The following SDK1 variants were observed in gnomAD, a reference collection of about 807,000 sequenced individuals.
The protein encoded by SDK1 is sidekick cell adhesion molecule 1, also known as protein sidekick-1.
SDK1 carries 157 observed loss-of-function variants against 245.5 expected under a neutral mutation model. The ratio of observed to expected loss-of-function variants is 0.64; its 90% CI spans 0.56 to 0.73. The LOEUF is 0.73. Ranked by LOEUF, SDK1 falls within the 30% of genes least tolerant of loss-of-function variation. The pLI, the probability that SDK1 is intolerant of heterozygous loss-of-function variation, is 0.00. For missense variants in SDK1, 3,583 were observed against 3,002.3 expected (o/e 1.19, Z -4.52); for synonymous variants, 1,647 against 1,278.5 (o/e 1.29, Z -6.15).
chr7:3,838,237 G>T (rs1199989333), intron 5 of SDK1, among the ~76,000 whole-genome samples: 1 of 152,170 alleles, frequency 6.6e-6, no homozygotes, highest in Non-Finnish European at 1.5e-5. Flanking sequence ...AGTTATGCCC[G>T]GTGCCAGGCA....
At chr7:4,072,146 T>TA (rs1387912659) in intron 20 of SDK1, among the ~76,000 whole-genome samples, 3 of 152,224 alleles carry the variant, frequency 2.0e-5, no homozygotes, top group African/African-American at 7.2e-5. Context: ...TACCTGTAGT[T>TA]AAAAGCAGCA....
intron 1 of SDK1, among the ~76,000 whole-genome samples, chr7:3,588,587 A>G (rs1780762863): frequency 6.6e-6 from 1 of 152,148 alleles, no homozygotes; most frequent in Admixed American, 6.5e-5. Context: ...TGAGGTGATG[A>G]AAGTCTCTTC....
At chr7:3,717,870 G>T in intron 4 of SDK1, among the ~76,000 whole-genome samples, 1 of 151,216 alleles carries the variant, frequency 6.6e-6, no homozygotes, top group South Asian at 2.1e-4. Flanking sequence ...ACAGGGTTTT[G>T]TTTATTAAAT....
intron 1 of SDK1, among the ~76,000 whole-genome samples, chr7:3,387,975 A>G (rs1781652105): frequency 6.6e-6 from 1 of 152,234 alleles, no homozygotes; most frequent in Non-Finnish European, 1.5e-5. Context: ...GATTCAAACC[A>G]AAGTTGTTTA....
intron 5 of SDK1, among the ~76,000 whole-genome samples, chr7:3,841,589 C>T (rs950567580): frequency 4.7e-5 from 7 of 149,248 alleles, no homozygotes; most frequent in East Asian, 1.9e-4. Context: ...TTTTTTGAGA[C>T]GGAGTTTTGC....
At chr7:4,070,275 C>T (rs1232142349) in intron 20 of SDK1, among the ~76,000 whole-genome samples, 3 of 152,192 alleles carry the variant, frequency 2.0e-5, no homozygotes, top group East Asian at 1.9e-4. Flanking sequence ...GATGGTCCCT[C>T]GTCACCCTCA....
intron 5 of SDK1, among the ~76,000 whole-genome samples, chr7:3,893,032 G>T (rs1781500444): frequency 6.6e-6 from 1 of 152,136 alleles, no homozygotes; most frequent in South Asian, 2.1e-4. Flanking sequence ...AATTTGAGCG[G>T]GAAGCCCAGG....
chr7:3,649,638 A>G (rs1782946111), intron 4 of SDK1, among the ~76,000 whole-genome samples: 1 of 152,204 alleles, frequency 6.6e-6, no homozygotes, highest in Non-Finnish European at 1.5e-5. Flanking sequence ...GATTTTATTT[A>G]TAACAATTCA....
intron 5 of SDK1, among the ~76,000 whole-genome samples, chr7:3,846,232 G>A (rs980762055): frequency 2.0e-5 from 3 of 152,184 alleles, no homozygotes; most frequent in Non-Finnish European, 2.9e-5. Flanking sequence ...GGAAAAATGT[G>A]CTGGCATATC....
chr7:4,089,476 A>G lies in SDK1; in HGVS notation c.3324+9892A>G, dbSNP rs753460161. Among the ~76,000 whole-genome samples, 8 of 152,314 alleles carry G rather than the reference A, an allele frequency of 5.3e-5. No individual in the cohort carries two copies. In the South Asian group the frequency reaches 6.2e-4, roughly 12 times the overall value. On this transcript the variant is annotated intron_variant, in intron 22 of 44. Transcript: ENST00000404826. ...CTCAGGCAGCCTGTCCCGGGCTGCT[A>G]TTCTCCAGCAGTTCAGAGGTTTTAG... is the stretch of plus-strand genomic sequence containing the variant.
At chr7:3,746,851 G>A (rs1052430029) in intron 4 of SDK1, among the ~76,000 whole-genome samples, 21 of 152,136 alleles carry the variant, frequency 1.4e-4, no homozygotes, top group African/African-American at 4.8e-4. Flanking sequence ...TCCTGTTAAT[G>A]TTGATATTTT....
chr7:3,446,185 T>C (rs1298542991), intron 1 of SDK1, among the ~76,000 whole-genome samples: 1 of 152,126 alleles, frequency 6.6e-6, no homozygotes, highest in Admixed American at 6.6e-5. Context: ...AATCATAAGA[T>C]TGGTTATTGT....
chr7:3,666,310 T>G (rs1012446803), intron 4 of SDK1, among the ~76,000 whole-genome samples: 1 of 152,222 alleles, frequency 6.6e-6, no homozygotes, highest in African/African-American at 2.4e-5. Context: ...CGCTCAGCCT[T>G]GTACACTGTC....
chr7:3,447,248 ATAACT>A (rs1390051085), intron 1 of SDK1, among the ~76,000 whole-genome samples: 6 of 152,198 alleles, frequency 3.9e-5, no homozygotes, highest in South Asian at 2.1e-4. Context: ...CAAAAGTAAA[ATAACT>A]TAATAGTAAC....
chr7:3,939,033 G>C (rs1296976104), intron 5 of SDK1, among the ~76,000 whole-genome samples: 2 of 152,240 alleles, frequency 1.3e-5, no homozygotes, highest in East Asian at 3.8e-4. Flanking sequence ...AGTGCGTTGA[G>C]ATGAAAATGA....
rs1307714564 is a variant in SDK1 at position 4,225,043 on chromosome 7, AG to A, written c.5827+3682del. Among the ~76,000 whole-genome samples the A allele has an allele frequency of 1.6e-4, 22 of 139,094 alleles. 1 individual carries two copies. Among genetic ancestry groups the A allele is most frequent in the South Asian group, 1.3e-3 (5 of 3,966 alleles). The allele number at this position is 139,094 out of a possible 152,430, so 91.3% of individuals were successfully genotyped here. The stretch of plus-strand genomic sequence containing the variant: ...GACACCCGCACTAGAAAACTACAGA[AG>A]GGCCTGGCTACGAAACTTCCTCCTC... On this transcript the variant is annotated intron_variant, in intron 40 of 44. Coordinates refer to ENST00000404826, the MANE Select transcript of SDK1 (RefSeq NM_152744.4).
intron 4 of SDK1, among the ~76,000 whole-genome samples, chr7:3,761,260 C>CTTTTTTTTTTTTTTT: frequency 1.1e-5 from 1 of 93,762 alleles, no homozygotes; most frequent in Non-Finnish European, 2.0e-5. Flanking sequence ...GCCCCCCCTC[C>CTTTTTTTTTTTTTTT]TTTTTTTTTT....
At chr7:4,162,477 GC>G (rs938537217) in intron 32 of SDK1, among the ~76,000 whole-genome samples, 1 of 151,494 alleles carries the variant, frequency 6.6e-6, no homozygotes, top group Non-Finnish European at 1.5e-5. Flanking sequence ...TAGGCTCCCT[GC>G]AACCTCTGCC....
chr7:4,136,742 C>G (rs537088966), intron 28 of SDK1, among the ~76,000 whole-genome samples: 10 of 152,338 alleles, frequency 6.6e-5, no homozygotes, highest in African/African-American at 2.2e-4. Context: ...GCCAGACACG[C>G]GGGATCCCGC....
Sources: gnomAD v4.1 joint callset for allele counts (sites outside exome capture counted in the v4.1 genomes callset) on GRCh38, gnomAD v4.1.1 for gene constraint, MANE v1.5 for transcripts, NCBI Gene and HGNC (gene_info 2026-07-23, HGNC 2026-07-21) for gene names.